SF3A1: variants seen among roughly 807,000 people sequenced by gnomAD.
SF3A1 encodes SAP 114.
In SF3A1, 13 loss-of-function variants were observed where a neutral mutation model predicts 89.9. The observed-to-expected ratio is 0.14, with a 90% confidence interval of 0.09 to 0.23. The LOEUF (loss-of-function observed/expected upper bound fraction) is 0.23, where lower values mean the gene tolerates loss of function less well. Ranked by LOEUF, SF3A1 falls within the 10% of genes least tolerant of loss-of-function variation. SF3A1 has a pLI of 1.00. For missense variants in SF3A1, 604 were observed against 1,022.1 expected, an observed-to-expected ratio of 0.59 and a Z score of 5.58; for synonymous variants, 405 against 374.4, an observed-to-expected ratio of 1.08 and a Z score of -0.94.
In SF3A1 at chr22:30,332,845, C is replaced by T. The variant is rs1179208604; in HGVS notation, c.*1749G>A. The T allele has an allele frequency of 6.6e-6, 1 of 152,268 alleles. No individual in the cohort carries two copies. Among genetic ancestry groups the T allele is most frequent in the African/African-American group, 2.4e-5 (1 of 41,450 alleles). 9.4% of individuals were successfully genotyped at this position (152,268 alleles called of 1,614,324 possible). On this transcript the variant is annotated 3_prime_UTR_variant, in exon 16 of 16. Coordinates refer to ENST00000215793, the MANE Select transcript of SF3A1 (RefSeq NM_005877.6). ...CATTCCTGGCCTCCGGTCACAGCCT[C>T]AGCCACGGAAGTCCTGCAGGGTTTG...
chr22:30,336,509 G>C (rs2145801357), intron 13 of SF3A1, among the ~76,000 whole-genome samples: 1 of 152,308 alleles, frequency 6.6e-6, no homozygotes, highest in South Asian at 2.1e-4. Flanking sequence ...TGGGGGAGCA[G>C]AGGCCGGGGC....
chr22:30,356,456 A>G (rs1311648450), intron 1 of SF3A1, among the ~76,000 whole-genome samples: 1 of 152,236 alleles, frequency 6.6e-6, no homozygotes, highest in Non-Finnish European at 1.5e-5. Context: ...GTTCAAATGT[A>G]GATTCCTATT....
chr22:30,335,536 G>A lies in SF3A1; in HGVS notation c.2211C>T (p.Val737=), dbSNP rs1389440404. Residue 737 remains valine, a splice_region_variant and synonymous_variant, in exon 15 of 16, where the codon GTC becomes GTT. Transcript: ENST00000215793. ...CATGAATCTTCACCTTAATGACAGA[G>A]ACCTGTGGGATCAAGCAGCGGTCAT... ...LVFTLPLTDQ[V]SVIKVKIHEA... 6.2e-7 allele frequency: 1 copy of A among 1,614,178 alleles called. No individual in the cohort carries two copies. The highest frequency in any genetic ancestry group is 1.1e-5 in the South Asian group (1 of 91,082).
At chr22:30,351,578 A>G (rs1254613882) in intron 2 of SF3A1, among the ~76,000 whole-genome samples, 1 of 152,124 alleles carries the variant, frequency 6.6e-6, no homozygotes, top group East Asian at 1.9e-4. Context: ...ATGGCTCACT[A>G]TAGCTTCAAC....
chr22:30,341,661 G>C (rs1378740728), intron 7 of SF3A1, 31 bp downstream of exon 7: 30 of 1,594,962 alleles, frequency 1.9e-5, no homozygotes, highest in Non-Finnish European at 2.6e-5. Flanking sequence ...CAGGGGAAAA[G>C]GTCATCCTGC....
At chr22:30,343,585 C>T (rs1415884364) in intron 4 of SF3A1, among the ~76,000 whole-genome samples, 1 of 152,198 alleles carries the variant, frequency 6.6e-6, no homozygotes, top group African/African-American at 2.4e-5. Flanking sequence ...GCTCAGTCTT[C>T]CATGGCTAGA....
At chr22:30,346,646 C>T (rs1471594273) in intron 2 of SF3A1, 127 bp from the exon 3 acceptor site, 4 of 1,002,938 alleles carry the variant, frequency 4.0e-6, no homozygotes, top group East Asian at 2.5e-5. Flanking sequence ...CCTCAGCAGA[C>T]GTCCTCCTCT....
At position 30,341,313 on chromosome 22, in the gene SF3A1, G is replaced by C. The variant is rs373470975; in HGVS notation, c.1071+379C>G. On this transcript the variant is annotated intron_variant, in intron 7 of 15. Coordinates refer to ENST00000215793, the MANE Select transcript of SF3A1 (RefSeq NM_005877.6). Reference sequence around the variant, plus strand: ...GGCCTGGCTTGAAGGGGGTAGGGATGCCTGAAAGGAAGCGTGGGCTACATT... The same window carrying C: ...GGCCTGGCTTGAAGGGGGTAGGGATCCCTGAAAGGAAGCGTGGGCTACATT... 5.9e-5 allele frequency among the ~76,000 whole-genome samples: 9 copies of C among 152,318 alleles called. No homozygotes were observed. In the South Asian group the frequency reaches 8.3e-4, roughly 14 times the overall value.
Position 30,333,568 on chromosome 22 carries a change from G to A in SF3A1, c.*1026C>T, listed in dbSNP as rs1210102334. 1 of 152,192 alleles carries A rather than the reference G, an allele frequency of 6.6e-6. No homozygotes were observed. Among genetic ancestry groups the A allele is most frequent in the Non-Finnish European group, 1.5e-5 (1 of 68,040 alleles). 9.4% of individuals were successfully genotyped at this position (152,192 alleles called of 1,614,324 possible). On this transcript the variant is annotated 3_prime_UTR_variant, in exon 16 of 16. Transcript: ENST00000215793. ...TACTCAGAAACCAGGACTGTGACGT[G>A]TTTTGCACACATTCTCTTTTCACTT...
At chr22:30,335,005 C>G (rs554068830) in intron 15 of SF3A1, among the ~76,000 whole-genome samples, 19 of 152,354 alleles carry the variant, frequency 1.2e-4, no homozygotes, top group African/African-American at 4.3e-4. Flanking sequence ...CTTAGCCCAA[C>G]AGCCTCAATG....
rs146944921 is a variant in SF3A1 at position 30,346,286 on chromosome 22, AGTG to A, written c.393+23_393+25del. 622 of 1,476,702 alleles carry A rather than the reference AGTG, an allele frequency of 4.2e-4. 3 individuals carry two copies. In the East Asian group the frequency reaches 7.3e-3, roughly 17 times the overall value. 91.5% of individuals were successfully genotyped at this position (1,476,702 alleles called of 1,614,324 possible). ...CTGTTTCCCTCTCAAGCCCTGCGTA[AGTG>A]AAGGGGGCACTGGGCTCCAAACCTT... On this transcript the variant is annotated intron_variant, in intron 3 of 15. Coordinates refer to ENST00000215793, the MANE Select transcript of SF3A1 (RefSeq NM_005877.6).
At chr22:30,347,308 CAAACAAACAAA>C (rs1931451169) in intron 2 of SF3A1, among the ~76,000 whole-genome samples, 3 of 152,012 alleles carry the variant, frequency 2.0e-5, no homozygotes, top group Admixed American at 2.0e-4. Context: ...AAGAAACAAA[CAAACAAACAAA>C]AAACAAATAG....
intron 11 of SF3A1, among the ~76,000 whole-genome samples, chr22:30,338,231 G>A (rs1931136285): frequency 1.3e-5 from 2 of 152,124 alleles, no homozygotes; most frequent in Admixed American, 1.3e-4. Context: ...AGCTAAGGCA[G>A]GCAGATCACC....
At position 30,344,815 on chromosome 22, in the gene SF3A1, C is replaced by T. The variant is rs533202231; in HGVS notation, c.651+118G>A. The T allele has an allele frequency of 2.5e-5, 30 of 1,185,124 alleles. No homozygotes were observed. In the African/African-American group the frequency reaches 4.1e-4, roughly 16 times the overall value. 73.4% of individuals were successfully genotyped at this position (1,185,124 alleles called of 1,614,324 possible). On this transcript the variant is annotated intron_variant, in intron 4 of 15. Transcript: ENST00000215793. ...ATTAAACTGGGATTCAAAACATTTG[C>T]TCAGAGGCCCCATGGAGAAGCGATG...
At position 30,341,889 on chromosome 22, in the gene SF3A1, G is replaced by A. The variant is rs548036537; in HGVS notation, c.878-4C>T. On this transcript the variant is annotated splice_polypyrimidine_tract_variant and splice_region_variant and intron_variant, in intron 6 of 15. Transcript: ENST00000215793. ...GTGGTGGGGGGAGGGAAGTTCCCTA[G>A]AGGGTGAGCCAGAGGCAAAGGTATT... 8.7e-6 allele frequency: 14 copies of A among 1,610,856 alleles called. No homozygotes were observed. The highest frequency in any genetic ancestry group is 1.7e-5 in the Admixed American group (1 of 59,986).
intron 1 of SF3A1, among the ~76,000 whole-genome samples, chr22:30,355,697 G>A (rs1931778386): frequency 2.0e-5 from 3 of 151,932 alleles, no homozygotes; most frequent in East Asian, 1.9e-4. Context: ...GATTCACCTC[G>A]GTGTCTTTGC....
intron 12 of SF3A1, 124 bp from the exon 13 acceptor site, chr22:30,337,304 C>A (rs1931099653): frequency 3.1e-6 from 3 of 972,082 alleles, no homozygotes; most frequent in Non-Finnish European, 4.5e-6. Context: ...AGTGCTGTTC[C>A]CTGCTAAGTC....
rs201714949 is a variant in SF3A1, at chr22:30,345,140, A to C, written c.444T>G (p.Pro148=). The change falls in exon 4 of 16, where the codon CCT becomes CCG. Residue 148 remains proline, a synonymous_variant. Transcript: ENST00000215793. ...GAGGATCAGCAATGAACTCAAACTC[A>C]GGAGGAGGCTCTTTGGGCACGATGG... ...QETIVPKEPP[P]EFEFIADPPS... is the part of the protein sequence containing the mutation. The C allele has an allele frequency of 6.2e-7, 1 of 1,614,136 alleles. No homozygotes were observed.
chr22:30,340,191 C>T lies in SF3A1; in HGVS notation c.1375+5G>A. 1 of 1,508,476 alleles carries T rather than the reference C, an allele frequency of 6.6e-7. No individual in the cohort carries two copies. The highest frequency in any genetic ancestry group is 2.4e-5 in the East Asian group (1 of 41,294). 93.4% of individuals were successfully genotyped at this position (1,508,476 alleles called of 1,614,324 possible). On this transcript the variant is annotated splice_donor_5th_base_variant and intron_variant, in intron 9 of 15. Coordinates refer to ENST00000215793, the MANE Select transcript of SF3A1 (RefSeq NM_005877.6). ...CCATGGGCTCTCCTGGAACCCCCAC[C>T]TCACCTGGTGCGTACACCTCATCAT...
Sources: allele counts gnomAD v4.1 joint callset (sites outside exome capture counted in the v4.1 genomes callset), GRCh38; gene constraint gnomAD v4.1.1; transcripts MANE v1.5; gene names NCBI Gene and HGNC (gene_info 2026-07-23, HGNC 2026-07-21).